IQCH: variants seen among roughly 807,000 people sequenced by gnomAD.
IQCH encodes IQ domain-containing protein H.
In IQCH, 98 loss-of-function variants were observed where a neutral mutation model predicts 117.0. The observed-to-expected ratio is 0.84, with a 90% CI of 0.71 to 0.99. IQCH has a LOEUF of 0.99. Ranked by LOEUF, IQCH falls within the 50% of genes least tolerant of loss-of-function variation. The probability of loss-of-function intolerance (pLI) is 0.00; values close to 1 mark genes in which losing one functional copy is unlikely to be tolerated. For missense variants in IQCH, 1,102 were observed against 1,243.8 expected, an observed-to-expected ratio of 0.89 and a Z score of 1.72; for synonymous variants, 412 against 448.2, an observed-to-expected ratio of 0.92 and a Z score of 1.02.
chr15:67,424,353 C>G lies in IQCH; in HGVS notation c.2505+2776C>G, dbSNP rs1477350870. Among the ~76,000 whole-genome samples the G allele has an allele frequency of 2.0e-5, 3 of 152,212 alleles. No individual in the cohort carries two copies. The East Asian group carries it at 5.8e-4, about 29-fold the overall frequency. ...CGCTTCCTGACCTTCCTGACAAAGT[C>G]AAATTCTCCTTTTTTAGGTTTTCAT... On this transcript the variant is annotated intron_variant, in intron 16 of 20. Transcript: ENST00000335894. The surrounding 1 kb of genome is among the most constrained non-coding windows in gnomAD (Gnocchi z 4.9).
At chr15:67,302,477 A>G (rs1322434553) in intron 4 of IQCH, among the ~76,000 whole-genome samples, 2 of 152,206 alleles carry the variant, frequency 1.3e-5, no homozygotes, top group Non-Finnish European at 2.9e-5. Context: ...AAGGAGAAGG[A>G]AATAGACATG....
chr15:67,484,457 G>T (rs922338433), intron 18 of IQCH, among the ~76,000 whole-genome samples: 9 of 151,164 alleles, frequency 6.0e-5, no homozygotes, highest in Non-Finnish European at 1.2e-4. Flanking sequence ...GGGGCTGGGC[G>T]CTGTGGCTCA....
rs757709854 is a variant in IQCH, at chr15:67,254,867, C to T, written c.-30C>T. 6.2e-7 allele frequency: 1 copy of T among 1,610,492 alleles called. No homozygotes were observed. The highest frequency in any genetic ancestry group is 8.5e-7 in the Non-Finnish European group (1 of 1,177,958). ...GTTTCCGTGCTTGGAAACCGCGCCT[C>T]CGCGGAGGTAGCCGTTCCCTGACCT... On this transcript the variant is annotated 5_prime_UTR_variant, in exon 1 of 21. Coordinates refer to ENST00000335894, the MANE Select transcript of IQCH (RefSeq NM_001031715.3).
chr15:67,485,761 C>T (rs2083457197), intron 18 of IQCH, among the ~76,000 whole-genome samples: 1 of 152,126 alleles, frequency 6.6e-6, no homozygotes, highest in East Asian at 1.9e-4. Context: ...CGGGTTCAAG[C>T]AGTTCTCCTG....
chr15:67,408,015 A>G lies in IQCH; in HGVS notation c.2097+7710A>G, dbSNP rs751870607. 3 of 152,224 alleles carry G rather than the reference A, an allele frequency of 2.0e-5. No homozygotes were observed. The highest frequency in any genetic ancestry group is 2.9e-5 in the Non-Finnish European group (2 of 68,038). 9.4% of individuals were successfully genotyped at this position (152,224 alleles called of 1,614,324 possible). A position where few individuals can be genotyped will look rare whatever the true frequency, so the allele number is the denominator to read the frequency against. On this transcript the variant is annotated intron_variant, in intron 14 of 20. Transcript: ENST00000335894. This position sits in a 1 kb window ranked among gnomAD's most constrained non-coding sequence, Gnocchi z 4.2. ...GTTACTCCCACCATCTGGGGACTGG[A>G]GGAGAGGCAAATGCTTGAAAACAGC... is the stretch of plus-strand genomic sequence containing the variant.
Position 67,494,511 on chromosome 15 carries a change from A to C in IQCH, c.2970+145A>C, listed in dbSNP as rs2083752576. The C allele has an allele frequency of 8.7e-6, 4 of 458,502 alleles. No homozygotes were observed. In the East Asian group the frequency reaches 1.4e-4, roughly 16 times the overall value. The allele number at this position is 458,502 out of a possible 1,614,324, so 28.4% of individuals were successfully genotyped here. A position where few individuals can be genotyped will look rare whatever the true frequency, so the allele number is the denominator to read the frequency against. On this transcript the variant is annotated intron_variant, in intron 20 of 20. Coordinates refer to ENST00000335894, the MANE Select transcript of IQCH (RefSeq NM_001031715.3). The surrounding 1 kb of genome is among the most constrained non-coding windows in gnomAD (Gnocchi z 5.5). ...TACAGTGTGCAGGGTCAATACTGTA[A>C]GGTTCCCACTGAGGCTGTTAGTTAA...
chr15:67,500,172 T>C lies in IQCH; in HGVS notation c.2971-461T>C, dbSNP rs796249194. 3.3e-5 allele frequency among the ~76,000 whole-genome samples: 5 copies of C among 152,276 alleles called. No individual in the cohort carries two copies. The highest frequency in any genetic ancestry group is 1.2e-4 in the African/African-American group (5 of 41,552). On this transcript the variant is annotated intron_variant, in intron 20 of 20. Transcript: ENST00000335894. The surrounding 1 kb of genome is among the most constrained non-coding windows in gnomAD (Gnocchi z 4.4). ...AAATGGGAATGTGTCATTTTTTTCT[T>C]CCCAGCAACCAATGGAAAGAAACCT... is the stretch of plus-strand genomic sequence containing the variant.
At chr15:67,272,984 C>T (rs1401616647) in intron 3 of IQCH, among the ~76,000 whole-genome samples, 1 of 151,914 alleles carries the variant, frequency 6.6e-6, no homozygotes, top group Non-Finnish European at 1.5e-5. Context: ...TAAATTCTCT[C>T]TTCCTTTCTT....
At chr15:67,290,979 A>G (rs745392136) in intron 4 of IQCH, among the ~76,000 whole-genome samples, 14 of 152,280 alleles carry the variant, frequency 9.2e-5, no homozygotes, top group Admixed American at 2.0e-4. Context: ...TCTATAGTCC[A>G]TAGGATTTTC....
intron 14 of IQCH, 113 bp downstream of exon 14, chr15:67,400,418 T>A (rs766943261): frequency 1.5e-4 from 96 of 653,442 alleles, no homozygotes; most frequent in Non-Finnish European, 2.4e-4. Flanking sequence ...CTCTGTCACC[T>A]GCCAGCAGTG....
At position 67,401,926 on chromosome 15, in the gene IQCH, G is replaced by T. The variant is rs547815970; in HGVS notation, c.2097+1621G>T. ...GTTAAGATTAAACCATAAAAATATGGTTTTTTAATTTAAAACATTGAAGTG... is the reference window on the plus strand; with the variant it reads ...GTTAAGATTAAACCATAAAAATATGTTTTTTTAATTTAAAACATTGAAGTG... On this transcript the variant is annotated intron_variant, in intron 14 of 20. Transcript: ENST00000335894. The surrounding 1 kb of genome is among the most constrained non-coding windows in gnomAD (Gnocchi z 4.7). Among the ~76,000 whole-genome samples the T allele has an allele frequency of 9.2e-5, 14 of 152,096 alleles. No homozygotes were observed. The highest frequency in any genetic ancestry group is 2.6e-4 in the Admixed American group (4 of 15,276).
rs887720489 is a variant in IQCH, at chr15:67,476,370, A to C, written c.2799+552A>C. ...TCCTCACATATGGAAGGAGAGAGAG[A>C]GAGATCTCTGTTGTCTCTTTTACAA... is the stretch of plus-strand genomic sequence containing the variant. On this transcript the variant is annotated intron_variant, in intron 18 of 20. Transcript: ENST00000335894. The surrounding 1 kb of genome is among the most constrained non-coding windows in gnomAD (Gnocchi z 4.1). 2.0e-5 allele frequency among the ~76,000 whole-genome samples: 3 copies of C among 152,162 alleles called. No homozygotes were observed. Among genetic ancestry groups the C allele is most frequent in the Non-Finnish European group, 4.4e-5 (3 of 68,032 alleles).
chr15:67,294,485 G>T (rs1438359206), intron 4 of IQCH, among the ~76,000 whole-genome samples: 1 of 152,164 alleles, frequency 6.6e-6, no homozygotes, highest in Non-Finnish European at 1.5e-5. Flanking sequence ...TCTACTGGGG[G>T]TTAGTTCCAG....
Position 67,370,538 on chromosome 15 carries a change from T to G in IQCH, c.754-1573T>G, listed in dbSNP as rs1214004719. Among the ~76,000 whole-genome samples the G allele has an allele frequency of 6.6e-6, 1 of 152,090 alleles. No individual in the cohort carries two copies. Among genetic ancestry groups the G allele is most frequent in the African/African-American group, 2.4e-5 (1 of 41,408 alleles). On this transcript the variant is annotated intron_variant, in intron 8 of 20. Coordinates refer to ENST00000335894, the MANE Select transcript of IQCH (RefSeq NM_001031715.3). The surrounding 1 kb of genome is among the most constrained non-coding windows in gnomAD (Gnocchi z 5.6). ...TGTGCCACTTGTCTTCTACCAGGAG[T>G]GGCAGCCTCTCCTGCCAGCACTGGT... is the stretch of plus-strand genomic sequence containing the variant.
intron 4 of IQCH, chr15:67,304,391 A>C: frequency 6.5e-7 from 1 of 1,535,456 alleles, no homozygotes; most frequent in Non-Finnish European, 8.7e-7. Flanking sequence ...AACATCCACC[A>C]CAGAGCTGCT....
chr15:67,374,536 A>G (rs1040782726), intron 10 of IQCH, among the ~76,000 whole-genome samples: 2 of 152,206 alleles, frequency 1.3e-5, no homozygotes, highest in Non-Finnish European at 2.9e-5. Context: ...TTAGTAAAAT[A>G]TCAATAATAA....
chr15:67,475,902 G>T lies in IQCH; in HGVS notation c.2799+84G>T. The T allele has an allele frequency of 8.1e-7, 1 of 1,241,238 alleles. No individual in the cohort carries two copies. Among genetic ancestry groups the T allele is most frequent in the South Asian group, 1.3e-5 (1 of 76,074 alleles). The allele number at this position is 1,241,238 out of a possible 1,614,324, so 76.9% of individuals were successfully genotyped here. A position where few individuals can be genotyped will look rare whatever the true frequency, so the allele number is the denominator to read the frequency against. On this transcript the variant is annotated intron_variant, in intron 18 of 20. Coordinates refer to ENST00000335894, the MANE Select transcript of IQCH (RefSeq NM_001031715.3). The surrounding 1 kb of genome is among the most constrained non-coding windows in gnomAD (Gnocchi z 5.7). Reference sequence around the variant, plus strand: ...TAGCTAATAATTTGGTGCCCCTTCAGATAGATATTCTTTAAATACCGGTTT... The same window carrying T: ...TAGCTAATAATTTGGTGCCCCTTCATATAGATATTCTTTAAATACCGGTTT...
Position 67,421,156 on chromosome 15 carries a change from C to T in IQCH, c.2219-135C>T, listed in dbSNP as rs112822517. 1,960 of 681,782 alleles carry T rather than the reference C, an allele frequency of 2.9e-3. 39 individuals are homozygous for T. The African/African-American group carries it at 0.031, about 11-fold the overall frequency. 42.2% of individuals were successfully genotyped at this position (681,782 alleles called of 1,614,324 possible). A position where few individuals can be genotyped will look rare whatever the true frequency, so the allele number is the denominator to read the frequency against. ...GGTAGGCTTTATTATGCCCATATTA[C>T]GGATAAAGAAAAATAAGTTCAGAGA... On this transcript the variant is annotated intron_variant, in intron 15 of 20. Transcript: ENST00000335894.
Position 67,472,292 on chromosome 15 carries a change from G to T in IQCH, c.2677-3404G>T. 6.6e-6 allele frequency among the ~76,000 whole-genome samples: 1 copy of T among 152,324 alleles called. No homozygotes were observed. The highest frequency in any genetic ancestry group is 2.1e-4 in the South Asian group (1 of 4,818). On this transcript the variant is annotated intron_variant, in intron 17 of 20. Coordinates refer to ENST00000335894, the MANE Select transcript of IQCH (RefSeq NM_001031715.3). The surrounding 1 kb of genome is among the most constrained non-coding windows in gnomAD (Gnocchi z 4.3). ...ACCAGTCAGACTGGAGCACAGAACTGGGGAAGTGGGAAGCAGGAGAAGTAG... is the reference window on the plus strand; with the variant it reads ...ACCAGTCAGACTGGAGCACAGAACTTGGGAAGTGGGAAGCAGGAGAAGTAG...
Sources: allele counts gnomAD v4.1 joint callset (sites outside exome capture counted in the v4.1 genomes callset), GRCh38; gene constraint gnomAD v4.1.1; non-coding constraint Gnocchi (gnomAD v3.1); transcripts MANE v1.5; gene names NCBI Gene and HGNC (gene_info 2026-07-23, HGNC 2026-07-21).